COMMD1: variants seen among roughly 807,000 people sequenced by gnomAD.
COMMD1 encodes COMM domain-containing protein 1.
COMMD1 carries 10 observed loss-of-function variants against 17.2 expected under a neutral mutation model. The ratio of observed to expected loss-of-function variants is 0.58; its 90% CI spans 0.36 to 0.99. COMMD1 has a LOEUF of 0.99. COMMD1 is among the 50% of genes least tolerant of loss of function. The pLI is 0.01. For missense variants in COMMD1, 270 were observed against 231.8 expected, an observed-to-expected ratio of 1.17 and a Z score of -1.07; for synonymous variants, 97 against 91.6, an observed-to-expected ratio of 1.06 and a Z score of -0.34.
intron 1 of COMMD1, among the ~76,000 whole-genome samples, chr2:61,927,741 G>A (rs1284705484): frequency 6.6e-6 from 1 of 151,542 alleles, no homozygotes; most frequent in Non-Finnish European, 1.5e-5. Flanking sequence ...TTGAGACCTA[G>A]TGGAGTAGCT....
chr2:61,966,668 C>T (rs949146408), intron 1 of COMMD1, among the ~76,000 whole-genome samples: 1 of 151,500 alleles, frequency 6.6e-6, no homozygotes, highest in Non-Finnish European at 1.5e-5. Context: ...ATTACACAGA[C>T]TTGTGAGAAA....
At chr2:62,108,916 A>G (rs1672383470) in intron 2 of COMMD1, among the ~76,000 whole-genome samples, 1 of 152,168 alleles carries the variant, frequency 6.6e-6, no homozygotes, top group African/African-American at 2.4e-5. Flanking sequence ...CCACTTTTCT[A>G]TAAATAACAG....
At chr2:61,953,929 G>T (rs1012084845) in intron 1 of COMMD1, among the ~76,000 whole-genome samples, 5 of 151,984 alleles carry the variant, frequency 3.3e-5, no homozygotes, top group Non-Finnish European at 5.9e-5. Context: ...ACTTTAAAGA[G>T]TCTATTCAGG....
upstream of COMMD1, among the ~76,000 whole-genome samples, chr2:61,902,729 T>A (rs1197395504): frequency 6.6e-6 from 1 of 152,144 alleles, no homozygotes; most frequent in East Asian, 1.9e-4. Flanking sequence ...GTGCTCATAT[T>A]CCCAGCTACT....
At chr2:61,971,072 C>A in intron 1 of COMMD1, among the ~76,000 whole-genome samples, 1 of 152,152 alleles carries the variant, frequency 6.6e-6, no homozygotes, top group East Asian at 1.9e-4. Context: ...CCATGCCCGG[C>A]TAATTTTTGC....
At chr2:61,950,624 TC>T (rs1671026839) in intron 1 of COMMD1, among the ~76,000 whole-genome samples, 2 of 152,344 alleles carry the variant, frequency 1.3e-5, no homozygotes, top group South Asian at 4.1e-4. Flanking sequence ...CTTTGGCATA[TC>T]CAAGTTGCCA....
intron 2 of COMMD1, among the ~76,000 whole-genome samples, chr2:62,012,505 A>G (rs1049967404): frequency 2.0e-5 from 3 of 151,756 alleles, no homozygotes; most frequent in African/African-American, 7.3e-5. Context: ...TTTAGTAGAG[A>G]CGGGGTTTCT....
intron 1 of COMMD1, among the ~76,000 whole-genome samples, chr2:61,942,540 CTTTTT>C (rs759905506): frequency 8.9e-6 from 1 of 112,294 alleles, no homozygotes; most frequent in Non-Finnish European, 1.8e-5. Flanking sequence ...TGTGCCTGGC[CTTTTT>C]TTTTTTTTTT....
intron 2 of COMMD1, among the ~76,000 whole-genome samples, chr2:62,073,341 C>G (rs1421289234): frequency 6.6e-6 from 1 of 152,202 alleles, no homozygotes; most frequent in East Asian, 1.9e-4. Context: ...TACCATCATT[C>G]TCTCTGAGGC....
At chr2:62,070,631 C>A (rs9808464) in intron 2 of COMMD1, among the ~76,000 whole-genome samples, 8,554 of 151,610 alleles carry the variant, frequency 0.056, 543 homozygotes, top group East Asian at 0.29. Flanking sequence ...ATATGTGTTA[C>A]CAGAAAGGGC....
At chr2:62,049,291 G>T (rs543478046) in intron 2 of COMMD1, among the ~76,000 whole-genome samples, 1 of 151,948 alleles carries the variant, frequency 6.6e-6, no homozygotes, top group Non-Finnish European at 1.5e-5. Context: ...ACTCAGCTAT[G>T]CTCTTAGATG....
At chr2:62,129,626 T>C (rs1672971205) in intron 2 of COMMD1, among the ~76,000 whole-genome samples, 1 of 152,216 alleles carries the variant, frequency 6.6e-6, no homozygotes, top group Non-Finnish European at 1.5e-5. Flanking sequence ...GCAGGCAATG[T>C]TCAGTGCTAC....
intron 1 of COMMD1, among the ~76,000 whole-genome samples, chr2:61,951,273 G>C (rs1671046508): frequency 6.6e-6 from 1 of 152,146 alleles, no homozygotes; most frequent in African/African-American, 2.4e-5. Flanking sequence ...AGACCAGCCT[G>C]GCAAATGTGG....
chr2:61,978,300 T>A (rs1052984451), intron 1 of COMMD1, among the ~76,000 whole-genome samples: 2 of 152,178 alleles, frequency 1.3e-5, no homozygotes, highest in South Asian at 4.1e-4. Context: ...GAACTGACTT[T>A]CTGTGGTTTA....
chr2:61,951,536 G>A (rs1671054020), intron 1 of COMMD1, among the ~76,000 whole-genome samples: 1 of 151,322 alleles, frequency 6.6e-6, no homozygotes, highest in East Asian at 1.9e-4. Flanking sequence ...TTCCAACTCT[G>A]TGGATCTAAG....
At chr2:62,039,683 G>A (rs980792163) in intron 2 of COMMD1, among the ~76,000 whole-genome samples, 2 of 152,198 alleles carry the variant, frequency 1.3e-5, no homozygotes, top group African/African-American at 4.8e-5. Flanking sequence ...ATATCTGCTT[G>A]TGGAGTATTA....
Position 62,000,681 on chromosome 2 carries a change from T to A in COMMD1, c.181-20T>A. 1 of 1,613,732 alleles carries A rather than the reference T, an allele frequency of 6.2e-7. No homozygotes were observed. The highest frequency in any genetic ancestry group is 8.5e-7 in the Non-Finnish European group (1 of 1,179,798). On this transcript the variant is annotated intron_variant, in intron 1 of 2. Coordinates refer to ENST00000311832, the MANE Select transcript of COMMD1 (RefSeq NM_152516.4). ...TACCTATTTAATTCAAATTTTTTGCTTTTTCTGTCATCTTTATAGTCTATT... is the reference window on the plus strand; with the variant it reads ...TACCTATTTAATTCAAATTTTTTGCATTTTCTGTCATCTTTATAGTCTATT...
At chr2:62,036,533 G>A (rs1365592637) in intron 2 of COMMD1, among the ~76,000 whole-genome samples, 1 of 152,190 alleles carries the variant, frequency 6.6e-6, no homozygotes, top group Non-Finnish European at 1.5e-5. Context: ...AGGTATAACA[G>A]CTAATGTATT....
chr2:61,905,922 T>TCC (rs996361598), intron 1 of COMMD1, 64 bp downstream of exon 1: 11 of 1,528,356 alleles, frequency 7.2e-6, no homozygotes, highest in Middle Eastern at 3.6e-4. Context: ...CTTCAGACTC[T>TCC]CCCCCCCTTG....
Sources: gnomAD v4.1 joint callset for allele counts (sites outside exome capture counted in the v4.1 genomes callset) on GRCh38, gnomAD v4.1.1 for gene constraint, MANE v1.5 for transcripts, NCBI Gene and HGNC (gene_info 2026-07-23, HGNC 2026-07-21) for gene names.